Variants in HEATR1 observed in about 807,000 individuals in gnomAD.
HEATR1 encodes the protein HEAT repeat-containing protein 1.
Under a neutral mutation model 248.2 loss-of-function variants are expected in HEATR1, and 77 were observed. That is an observed-to-expected ratio of 0.31 (90% CI 0.26 to 0.37). The LOEUF is 0.37. Among genes scored for constraint, HEATR1 ranks in the 10% least tolerant of loss-of-function variants. HEATR1 has a pLI of 1.00. For synonymous variants in HEATR1, 897 were observed against 923.1 expected (o/e 0.97, Z 0.51); for missense variants, 2,420 against 2,504.9 (o/e 0.97, Z 0.72).
At chr1:236,597,441 C>T (rs921534779) in intron 5 of HEATR1, among the ~76,000 whole-genome samples, 3 of 151,936 alleles carry the variant, frequency 2.0e-5, no homozygotes, top group Non-Finnish European at 4.4e-5. Context: ...TTAGTAGAGA[C>T]GGTGTTTCAC....
At chr1:236,564,431 T>C in intron 32 of HEATR1, 67 bp downstream of exon 32, 1 of 1,383,462 alleles carries the variant, frequency 7.2e-7, no homozygotes. Flanking sequence ...CTACTTCTAC[T>C]GGTTGAGAAC....
At chr1:236,580,668 C>T (rs192689694) in intron 20 of HEATR1, among the ~76,000 whole-genome samples, 1 of 152,102 alleles carries the variant, frequency 6.6e-6, no homozygotes, top group East Asian at 1.9e-4. Flanking sequence ...AGGCACGCAC[C>T]ATCACGCCCA....
In HEATR1 at chr1:236,550,764, A is replaced by T. The variant is rs6989; in HGVS notation, c.*138T>A. On this transcript the variant is annotated 3_prime_UTR_variant, in exon 45 of 45. Coordinates refer to ENST00000366582, the MANE Select transcript of HEATR1 (RefSeq NM_018072.6). ...CACAAGCCAGGTGGGGATTTTGTAAAGAAGTGATAAAACATTTGTAAGTAA... is the reference window on the plus strand; with the variant it reads ...CACAAGCCAGGTGGGGATTTTGTAATGAAGTGATAAAACATTTGTAAGTAA... The T allele has an allele frequency of 3.2e-6, 2 of 632,822 alleles. No homozygotes were observed. Among genetic ancestry groups the T allele is most frequent in the East Asian group, 2.8e-5 (1 of 35,370 alleles). 39.2% of individuals were successfully genotyped at this position (632,822 alleles called of 1,614,324 possible).
chr1:236,587,922 C>T, intron 13 of HEATR1, 26 bp downstream of exon 13: 1 of 1,520,314 alleles, frequency 6.6e-7, no homozygotes, highest in Non-Finnish European at 9.1e-7. Context: ...AAATTGTATA[C>T]CTCAACAAAT....
At chr1:236,597,069 G>T (rs890327440) in intron 5 of HEATR1, 93 bp from the exon 6 acceptor site, 1 of 1,068,712 alleles carries the variant, frequency 9.4e-7, no homozygotes, top group South Asian at 1.6e-5. Context: ...AGATTTCAAT[G>T]AACTATGATG....
chr1:236,592,138 T>C, intron 10 of HEATR1, 28 bp from the exon 11 acceptor site: 1 of 1,133,064 alleles, frequency 8.8e-7, no homozygotes, highest in Non-Finnish European at 1.3e-6. Flanking sequence ...AGTGAATTCA[T>C]TATTCTTAAT....
chr1:236,576,633 C>T, intron 21 of HEATR1, 147 bp downstream of exon 21: 1 of 721,924 alleles, frequency 1.4e-6, no homozygotes. Flanking sequence ...TAGGGGGACA[C>T]AGATGTACAG....
At chr1:236,597,699 T>TA (rs5781901) in intron 5 of HEATR1, among the ~76,000 whole-genome samples, 179 bp downstream of exon 5, 51 of 146,290 alleles carry the variant, frequency 3.5e-4, no homozygotes, top group African/African-American at 4.5e-4. Context: ...GACTGATTCT[T>TA]AAAAAAAAAA....
chr1:236,566,432 C>T (rs949079044), intron 30 of HEATR1, among the ~76,000 whole-genome samples: 6 of 151,658 alleles, frequency 4.0e-5, no homozygotes, highest in African/African-American at 1.5e-4. Context: ...AATTCGCCTT[C>T]AGATGTTTTG....
At chr1:236,581,760 A>AACTG (rs1481426352) in intron 19 of HEATR1, among the ~76,000 whole-genome samples, 1 of 152,222 alleles carries the variant, frequency 6.6e-6, no homozygotes, top group East Asian at 1.9e-4. Context: ...CAAGAACAGG[A>AACTG]ACTGACCACT....
chr1:236,553,499 C>T, intron 43 of HEATR1, 82 bp downstream of exon 43: 2 of 1,354,780 alleles, frequency 1.5e-6, no homozygotes, highest in Non-Finnish European at 2.0e-6. Flanking sequence ...TACTAGGGGG[C>T]CTACATCTGT....
chr1:236,597,184 G>A (rs951430829), intron 5 of HEATR1, among the ~76,000 whole-genome samples: 2 of 150,314 alleles, frequency 1.3e-5, no homozygotes, highest in Admixed American at 1.3e-4. Context: ...ATTACCATAT[G>A]CAACAATGAA....
At chr1:236,598,312 C>G (rs757879871) in intron 4 of HEATR1, among the ~76,000 whole-genome samples, 7 of 152,198 alleles carry the variant, frequency 4.6e-5, no homozygotes, top group Non-Finnish European at 1.5e-5. Flanking sequence ...CTATGATACG[C>G]TTCTGTCATT....
At chr1:236,570,869 T>A (rs955624892) in intron 28 of HEATR1, among the ~76,000 whole-genome samples, 1 of 152,170 alleles carries the variant, frequency 6.6e-6, no homozygotes, top group Non-Finnish European at 1.5e-5. Context: ...TGAAAATAGC[T>A]TCAATCTCTT....
At chr1:236,604,228 C>A (rs1664412338) in intron 1 of HEATR1, 101 bp from the exon 2 acceptor site, 1 of 892,146 alleles carries the variant, frequency 1.1e-6, no homozygotes, top group Non-Finnish European at 1.6e-6. Context: ...GGACACACAA[C>A]GCGGGTGTCC....
At chr1:236,558,680 C>A (rs930121833) in intron 35 of HEATR1, 151 bp from the exon 36 acceptor site, 3 of 825,878 alleles carry the variant, frequency 3.6e-6, no homozygotes, top group Admixed American at 5.7e-5. Flanking sequence ...CATGTTCTAG[C>A]CAGTGTTTCA....
chr1:236,586,743 A>T (rs10925168), intron 14 of HEATR1, among the ~76,000 whole-genome samples: 6,200 of 152,100 alleles, frequency 0.041, 411 homozygotes, highest in African/African-American at 0.14. Flanking sequence ...CTTAAAAAAA[A>T]AATAATAATT....
chr1:236,587,630 T>C, intron 13 of HEATR1, 140 bp from the exon 14 acceptor site: 2 of 457,094 alleles, frequency 4.4e-6, no homozygotes, highest in Non-Finnish European at 7.7e-6. Flanking sequence ...TTTTAAGATC[T>C]ATTTCTCAAA....
rs762500785 is a variant in HEATR1, at chr1:236,603,999, G to A, written c.97C>T (p.Pro33Ser). ...RDEVASLLFD[P>S]KEAATIDRDT... ...CTGTCGATTGTGGCCGCTTCCTTAG[G>A]GTCAAATAACAAAGAAGCAACTTCA... is the stretch of plus-strand genomic sequence containing the variant. Residue 33 changes from proline (P) to serine (S), a missense_variant, in exon 2 of 45, where the codon CCT (proline) becomes TCT (serine). Physicochemically the swap from Pro to Ser is moderately conservative, Grantham distance 74. Coordinates refer to ENST00000366582, the MANE Select transcript of HEATR1 (RefSeq NM_018072.6). 4.4e-6 allele frequency: 7 copies of A among 1,599,260 alleles called. No individual in the cohort carries two copies. In the East Asian group the frequency reaches 1.4e-4, roughly 31 times the overall value.
Sources: allele counts gnomAD v4.1 joint callset (sites outside exome capture counted in the v4.1 genomes callset), GRCh38; gene constraint gnomAD v4.1.1; transcripts MANE v1.5; gene names NCBI Gene and HGNC (gene_info 2026-07-23, HGNC 2026-07-21).